The following TSHZ2 variants were observed in gnomAD, a reference collection of about 807,000 sequenced individuals.
TSHZ2 encodes the protein teashirt homolog 2.
In TSHZ2, 21 loss-of-function variants were observed where a neutral mutation model predicts 74.4. That is an observed-to-expected ratio of 0.28 (90% CI 0.20 to 0.41). The LOEUF (loss-of-function observed/expected upper bound fraction) is 0.41. Among genes scored for constraint, TSHZ2 ranks in the 10% least tolerant of loss-of-function variants. The pLI, the probability that TSHZ2 is intolerant of heterozygous loss-of-function variation, is 1.00. For missense variants in TSHZ2, 1,244 were observed against 1,293.5 expected (o/e 0.96, Z 0.59); for synonymous variants, 540 against 515.3 (o/e 1.05, Z -0.65).
At chr20:53,188,976 G>A (rs2123534738) in intron 1 of TSHZ2, among the ~76,000 whole-genome samples, 1 of 152,278 alleles carries the variant, frequency 6.6e-6, no homozygotes, top group Non-Finnish European at 1.5e-5. Flanking sequence ...TGAGGTTGGA[G>A]AGAGCTAACA....
chr20:53,322,698 C>A (rs1979321819), intron 2 of TSHZ2, among the ~76,000 whole-genome samples: 1 of 152,090 alleles, frequency 6.6e-6, no homozygotes, highest in African/African-American at 2.4e-5. Context: ...TGGGGAGGGC[C>A]CTGATGCAAA....
intron 1 of TSHZ2, among the ~76,000 whole-genome samples, chr20:53,112,045 C>T (rs1178808084): frequency 6.6e-6 from 1 of 152,190 alleles, no homozygotes; most frequent in Non-Finnish European, 1.5e-5. Context: ...AACTGAGAAC[C>T]ATGGCAGAAT....
rs200626 is a variant in TSHZ2, at chr20:53,348,357, C to T, written c.*8+91786C>T. Among the ~76,000 whole-genome samples the T allele has an allele frequency of 2.6e-5, 4 of 151,972 alleles. No homozygotes were observed. In the South Asian group the frequency reaches 6.2e-4, roughly 24 times the overall value. ...GGATGAACCTTGCCTGTCTTTTCAT[C>T]GTTACATCCTCAGTAGTGAAAATAC... is the stretch of plus-strand genomic sequence containing the variant. On this transcript the variant is annotated intron_variant, in intron 2 of 2. Coordinates refer to ENST00000371497, the MANE Select transcript of TSHZ2 (RefSeq NM_173485.6).
At chr20:53,482,740 C>CA (rs748118221) in intron 2 of TSHZ2, among the ~76,000 whole-genome samples, 56 of 151,792 alleles carry the variant, frequency 3.7e-4, no homozygotes, top group Non-Finnish European at 5.6e-4. Context: ...CCTGTCTCTA[C>CA]AAAAAATACA....
chr20:53,254,774 A>T lies in TSHZ2; in HGVS notation c.1316A>T (p.Asp439Val), dbSNP rs1308173841. 1.9e-6 allele frequency: 3 copies of T among 1,613,230 alleles called. No individual in the cohort carries two copies. The African/African-American group carries it at 4.0e-5, about 22-fold the overall frequency. The change falls in exon 2 of 3, where the codon GAT (aspartate) becomes GTT (valine). Residue 439 changes from aspartate to valine, a missense_variant. This residue lies in a region of TSHZ2 where 562 missense variants were observed against 544.0 expected (regional missense o/e 1.03). Transcript: ENST00000371497. ...MQSLSEAPNS[D>V]SLAPKPSSNS... ...TCGTTGTCTGAGGCCCCAAACAGTGATTCTCTGGCTCCCAAGCCATCCAGT... is the reference window on the plus strand; with the variant it reads ...TCGTTGTCTGAGGCCCCAAACAGTGTTTCTCTGGCTCCCAAGCCATCCAGT...
intron 2 of TSHZ2, among the ~76,000 whole-genome samples, chr20:53,460,801 C>G (rs1009313187): frequency 5.6e-4 from 85 of 152,060 alleles, no homozygotes; most frequent in Non-Finnish European, 1.1e-3. Flanking sequence ...GTTGGAATAC[C>G]CTGCCGTGTG....
At chr20:53,281,120 A>G (rs1991053068) in intron 2 of TSHZ2, among the ~76,000 whole-genome samples, 2 of 152,238 alleles carry the variant, frequency 1.3e-5, no homozygotes, top group African/African-American at 4.8e-5. Context: ...GGAGCAAACA[A>G]TTTAATCAAA....
At chr20:53,310,382 T>C (rs1278142314) in intron 2 of TSHZ2, among the ~76,000 whole-genome samples, 1 of 152,206 alleles carries the variant, frequency 6.6e-6, no homozygotes, top group Non-Finnish European at 1.5e-5. Context: ...TTCTGAATAA[T>C]GCGTGTATTT....
intron 2 of TSHZ2, among the ~76,000 whole-genome samples, chr20:53,262,204 G>C (rs1157366137): frequency 6.7e-6 from 1 of 148,938 alleles, no homozygotes; most frequent in Admixed American, 6.7e-5. Flanking sequence ...AGTTTTCCTT[G>C]CATTTCTCTT....
At chr20:53,478,949 C>T (rs1002102486) in intron 2 of TSHZ2, among the ~76,000 whole-genome samples, 2 of 151,966 alleles carry the variant, frequency 1.3e-5, no homozygotes, top group African/African-American at 4.8e-5. Flanking sequence ...TGGATCACTT[C>T]GGATCAGGGA....
intron 2 of TSHZ2, among the ~76,000 whole-genome samples, chr20:53,293,405 G>A (rs1444479916): frequency 2.0e-5 from 3 of 152,108 alleles, no homozygotes; most frequent in Non-Finnish European, 4.4e-5. Flanking sequence ...AGAGATTGCA[G>A]TGAGCTGAGA....
At chr20:53,306,726 A>C (rs545189016) in intron 2 of TSHZ2, among the ~76,000 whole-genome samples, 1 of 152,344 alleles carries the variant, frequency 6.6e-6, no homozygotes, top group South Asian at 2.1e-4. Flanking sequence ...AGAAAGGAGA[A>C]GTTTTCTAAT....
intron 2 of TSHZ2, among the ~76,000 whole-genome samples, chr20:53,325,873 C>A (rs968490463): frequency 1.3e-5 from 2 of 152,136 alleles, no homozygotes; most frequent in Non-Finnish European, 2.9e-5. Flanking sequence ...ACTCCGCCTC[C>A]CAGGTTCAAG....
chr20:53,023,618 T>TG (rs200721954), intron 1 of TSHZ2, among the ~76,000 whole-genome samples: 1 of 51,162 alleles, frequency 2.0e-5, no homozygotes, highest in Non-Finnish European at 3.5e-5. Context: ...ACTCGTTTTT[T>TG]GTTTTTTTTT....
chr20:52,972,948 A>C lies in TSHZ2; in HGVS notation c.-346A>C. ...AAATCAAGTGTCTCAACAGTCACCA[A>C]AAAAAAAAAAAACCGCAAAAACAAA... On this transcript the variant is annotated 5_prime_UTR_variant, in exon 1 of 3. Transcript: ENST00000371497. 4.0e-6 allele frequency: 1 copy of C among 248,220 alleles called. No homozygotes were observed. Among genetic ancestry groups the C allele is most frequent in the Non-Finnish European group, 7.5e-6 (1 of 133,206 alleles). 15.4% of individuals were successfully genotyped at this position (248,220 alleles called of 1,614,324 possible). A position where few individuals can be genotyped will look rare whatever the true frequency, so the allele number is the denominator to read the frequency against.
At chr20:53,471,605 G>T (rs1296855790) in intron 2 of TSHZ2, among the ~76,000 whole-genome samples, 1 of 152,134 alleles carries the variant, frequency 6.6e-6, no homozygotes, top group East Asian at 1.9e-4. Flanking sequence ...ATGAAAAGGT[G>T]CTGGCCAAAC....
At chr20:53,028,483 T>C (rs1445855258) in intron 1 of TSHZ2, among the ~76,000 whole-genome samples, 1 of 152,234 alleles carries the variant, frequency 6.6e-6, no homozygotes, top group Non-Finnish European at 1.5e-5. Context: ...CTCCTGTTGG[T>C]TGGGAATCTA....
chr20:53,001,036 G>A (rs1015924852), intron 1 of TSHZ2, among the ~76,000 whole-genome samples: 1 of 152,184 alleles, frequency 6.6e-6, no homozygotes, highest in Non-Finnish European at 1.5e-5. Flanking sequence ...GAGGGGGACA[G>A]CCATCTGATA....
At chr20:53,291,684 G>T (rs529547607) in intron 2 of TSHZ2, among the ~76,000 whole-genome samples, 1 of 152,062 alleles carries the variant, frequency 6.6e-6, no homozygotes, top group Admixed American at 6.6e-5. Flanking sequence ...GACCACTCTT[G>T]CACTGGCTGT....
Sources: gnomAD v4.1 joint callset for allele counts (sites outside exome capture counted in the v4.1 genomes callset) on GRCh38, gnomAD v4.1.1 for gene constraint, gnomAD v4.1.1 regional missense constraint, MANE v1.5 for transcripts, NCBI Gene and HGNC (gene_info 2026-07-23, HGNC 2026-07-21) for gene names.